RBFOX1: variants seen among roughly 807,000 people sequenced by gnomAD.
The protein encoded by RBFOX1 is RNA binding protein fox-1 homolog 1.
A neutral mutation model predicts 57.7 loss-of-function variants in RBFOX1; 8 were observed. The observed-to-expected ratio is 0.14, with a 90% CI of 0.08 to 0.25. The LOEUF is 0.25. RBFOX1 is among the 10% of genes least tolerant of loss of function. The pLI is 1.00. For missense variants in RBFOX1, 611 were observed against 548.5 expected (o/e 1.11, Z -1.14); for synonymous variants, 326 against 222.4 (o/e 1.47, Z -4.15).
At chr16:6,284,594 G>T (rs551462492) in intron 1 of RBFOX1, among the ~76,000 whole-genome samples, 4 of 152,062 alleles carry the variant, frequency 2.6e-5, no homozygotes, top group Non-Finnish European at 5.9e-5. Context: ...CTTTAAATAC[G>T]GTGTTGATGT....
At chr16:5,286,567 G>C (rs1236240157) in intron 1 of RBFOX1, among the ~76,000 whole-genome samples, 1 of 152,184 alleles carries the variant, frequency 6.6e-6, no homozygotes, top group Admixed American at 6.5e-5. Flanking sequence ...TACCCTCACA[G>C]CTCTGCATGA....
intron 1 of RBFOX1, among the ~76,000 whole-genome samples, chr16:5,295,573 C>T (rs1196861547): frequency 6.6e-6 from 1 of 152,196 alleles, no homozygotes; most frequent in Non-Finnish European, 1.5e-5. Flanking sequence ...TTGCAGGCTG[C>T]TGGACTCAGG....
At chr16:6,288,480 A>G (rs766266862) in intron 1 of RBFOX1, among the ~76,000 whole-genome samples, 16 of 152,206 alleles carry the variant, frequency 1.1e-4, no homozygotes, top group Non-Finnish European at 1.9e-4. Flanking sequence ...AGGTCCATGC[A>G]TCATACATAC....
chr16:5,739,241 A>G (rs1011358058), intron 3 of RBFOX1, among the ~76,000 whole-genome samples: 1 of 152,248 alleles, frequency 6.6e-6, no homozygotes, highest in East Asian at 1.9e-4. Context: ...TTGAGGGGGA[A>G]CTTGGCGTCC....
intron 4 of RBFOX1, among the ~76,000 whole-genome samples, chr16:7,394,773 C>G (rs952014007): frequency 1.4e-4 from 21 of 152,168 alleles, no homozygotes; most frequent in African/African-American, 5.1e-4. Context: ...GCAAGTCACT[C>G]TTTTTTCCTG....
intron 2 of RBFOX1, among the ~76,000 whole-genome samples, chr16:6,501,366 C>T (rs2095919460): frequency 6.8e-6 from 1 of 146,558 alleles, no homozygotes; most frequent in Middle Eastern, 3.5e-3. Flanking sequence ...GTTCAATTCC[C>T]ACCTATGAGT....
rs562903642 is a variant in RBFOX1, at chr16:5,713,093, C to T, written c.318+114132C>T. ...GCAGAAAGTTTTCCTTTCCTTTAAG[C>T]AAGCATCCAAAACTTTTCTCTAGTT... On this transcript the variant is annotated intron_variant, in intron 3 of 19. Coordinates refer to the RBFOX1 transcript ENST00000641259. Among the ~76,000 whole-genome samples the T allele has an allele frequency of 1.1e-3, 168 of 152,286 alleles. 1 individual carries two copies. Among genetic ancestry groups the T allele is most frequent in the African/African-American group, 3.8e-3 (159 of 41,578 alleles).
At chr16:6,524,180 T>G (rs2096547291) in intron 2 of RBFOX1, among the ~76,000 whole-genome samples, 2 of 152,204 alleles carry the variant, frequency 1.3e-5, no homozygotes, top group African/African-American at 4.8e-5. Flanking sequence ...ATCCCTGTAC[T>G]CTCTATCTCC....
intron 4 of RBFOX1, among the ~76,000 whole-genome samples, chr16:7,130,114 C>A (rs1015534169): frequency 6.6e-6 from 1 of 150,664 alleles, no homozygotes; most frequent in Non-Finnish European, 1.5e-5. Flanking sequence ...CCCACTGCAA[C>A]CTCTGCCTCC....
intron 4 of RBFOX1, among the ~76,000 whole-genome samples, chr16:7,220,798 A>G (rs906245282): frequency 6.6e-6 from 1 of 152,076 alleles, no homozygotes; most frequent in African/African-American, 2.4e-5. Context: ...CAGCATTTTA[A>G]ATAGGCATCT....
At chr16:5,636,764 A>C (rs535042037) in intron 3 of RBFOX1, among the ~76,000 whole-genome samples, 1 of 152,176 alleles carries the variant, frequency 6.6e-6, no homozygotes. Context: ...TTCCAGAGCT[A>C]TTCTTGCTTG....
chr16:7,189,587 A>G (rs1425966805), intron 4 of RBFOX1, among the ~76,000 whole-genome samples: 1 of 142,216 alleles, frequency 7.0e-6, no homozygotes, highest in Non-Finnish European at 1.5e-5. Flanking sequence ...ACACACACAC[A>G]TACACACACA....
chr16:7,328,498 A>AAAG (rs1289383022), intron 4 of RBFOX1: 2 of 151,688 alleles, frequency 1.3e-5, no homozygotes, highest in East Asian at 1.9e-4. Context: ...AAAAAAAAAA[A>AAAG]AAGAAGACCT....
In RBFOX1 at chr16:5,948,286, T is replaced by A. The variant is rs994437582; in HGVS notation, c.351+80951T>A. Among the ~76,000 whole-genome samples the A allele has an allele frequency of 3.9e-5, 6 of 152,238 alleles. No homozygotes were observed. In the East Asian group the frequency reaches 1.2e-3, roughly 29 times the overall value. On this transcript the variant is annotated intron_variant, in intron 4 of 19. Transcript: ENST00000641259. ...TGCTGCTGCTGATTTGTAATTGAGT[T>A]CAAGGAGAGGAGAGGACCAAAACAT...
At chr16:6,826,911 C>G (rs890389130) in intron 3 of RBFOX1, among the ~76,000 whole-genome samples, 1 of 152,120 alleles carries the variant, frequency 6.6e-6, no homozygotes, top group Non-Finnish European at 1.5e-5. Flanking sequence ...AAATCTGAAT[C>G]TCTGATGTTC....
intron 1 of RBFOX1, among the ~76,000 whole-genome samples, chr16:5,417,938 G>A (rs1227946211): frequency 6.6e-6 from 1 of 152,124 alleles, no homozygotes; most frequent in Non-Finnish European, 1.5e-5. Context: ...AAAATTCGCT[G>A]GGTGTTGTGG....
intron 2 of RBFOX1, among the ~76,000 whole-genome samples, chr16:6,554,949 G>A (rs1290202188): frequency 6.6e-6 from 1 of 152,304 alleles, no homozygotes; most frequent in East Asian, 1.9e-4. Flanking sequence ...CTAGGGCTAA[G>A]TGACTAGCCT....
intron 3 of RBFOX1, among the ~76,000 whole-genome samples, chr16:7,036,677 A>G (rs919740008): frequency 3.9e-5 from 6 of 152,008 alleles, no homozygotes; most frequent in Admixed American, 6.6e-5. Context: ...TCGTCGAAAG[A>G]GCAAAACTCC....
Position 7,362,485 on chromosome 16 carries a change from G to T in RBFOX1, c.28-155662G>T, listed in dbSNP as rs150735535. Reference sequence around the variant, plus strand: ...GTTTTTGTGTGTGTTTGTGTGTTTTGTGTATATGTTAGTATGTGCATGTTT... The same window carrying T: ...GTTTTTGTGTGTGTTTGTGTGTTTTTTGTATATGTTAGTATGTGCATGTTT... On this transcript the variant is annotated intron_variant, in intron 4 of 15. Transcript: ENST00000550418. 3.6e-4 allele frequency among the ~76,000 whole-genome samples: 54 copies of T among 150,720 alleles called. No individual in the cohort carries two copies. The Middle Eastern group carries it at 0.02, about 57-fold the overall frequency.
Sources: allele counts gnomAD v4.1 joint callset (sites outside exome capture counted in the v4.1 genomes callset), GRCh38; gene constraint gnomAD v4.1.1; transcripts MANE v1.5; gene names NCBI Gene and HGNC (gene_info 2026-07-23, HGNC 2026-07-21).